The following NWD1 variants were observed in gnomAD, a reference collection of about 807,000 sequenced individuals.
The protein encoded by NWD1 is NACHT domain- and WD repeat-containing protein 1.
Under a neutral mutation model 135.1 loss-of-function variants are expected in NWD1, and 129 were observed. That is an observed-to-expected ratio of 0.96 (90% CI 0.83 to 1.11). The LOEUF (loss-of-function observed/expected upper bound fraction) is 1.11. Ranked by LOEUF, NWD1 falls within the 50% of genes least tolerant of loss-of-function variation. NWD1 has a pLI of 0.00. For missense variants in NWD1, 1,740 were observed against 1,851.3 expected, an observed-to-expected ratio of 0.94 and a Z score of 1.10; for synonymous variants, 773 against 786.0, an observed-to-expected ratio of 0.98 and a Z score of 0.28.
chr19:16,738,749 T>A (rs906599566), intron 4 of NWD1, among the ~76,000 whole-genome samples: 25 of 132,916 alleles, frequency 1.9e-4, no homozygotes, highest in Middle Eastern at 3.7e-3. Flanking sequence ...ATATATATAT[T>A]ATATATATAT....
chr19:16,746,002 G>A (rs959355419), intron 5 of NWD1, among the ~76,000 whole-genome samples: 15 of 152,112 alleles, frequency 9.9e-5, no homozygotes, highest in South Asian at 2.1e-4. Flanking sequence ...TTGCACAGTC[G>A]AAAATCTGTG....
intron 6 of NWD1, among the ~76,000 whole-genome samples, chr19:16,752,699 A>G (rs1229416331): frequency 1.3e-5 from 2 of 152,116 alleles, no homozygotes; most frequent in Non-Finnish European, 2.9e-5. Flanking sequence ...CTTACACTCT[A>G]TAAGAGTACA....
intron 4 of NWD1, among the ~76,000 whole-genome samples, chr19:16,743,022 C>T (rs2122765185): frequency 1.3e-5 from 2 of 151,684 alleles, no homozygotes; most frequent in Middle Eastern, 3.4e-3. Flanking sequence ...AAGCAAGTCT[C>T]CTGCCTCAGC....
chr19:16,759,564 C>T (rs1968930919), intron 7 of NWD1, 136 bp downstream of exon 7: 2 of 670,020 alleles, frequency 3.0e-6, no homozygotes. Context: ...AGAACTCTGA[C>T]ACAATTCACT....
chr19:16,790,550 G>A, intron 13 of NWD1, among the ~76,000 whole-genome samples: 1 of 151,424 alleles, frequency 6.6e-6, no homozygotes, highest in South Asian at 2.1e-4. Flanking sequence ...GTTGATAGTT[G>A]CAGCAAACCA....
chr19:16,745,555 C>T (rs913931791), intron 5 of NWD1, among the ~76,000 whole-genome samples: 1 of 150,104 alleles, frequency 6.7e-6, no homozygotes, highest in Non-Finnish European at 1.5e-5. Flanking sequence ...ATAGTGACAC[C>T]TCATCTCTAC....
chr19:16,737,838 G>A (rs1449538651), intron 4 of NWD1, among the ~76,000 whole-genome samples: 1 of 151,890 alleles, frequency 6.6e-6, no homozygotes, highest in Non-Finnish European at 1.5e-5. Context: ...GGTGGCACGT[G>A]CCTGTAATCC....
chr19:16,767,977 C>G (rs1193804761), intron 10 of NWD1, among the ~76,000 whole-genome samples: 1 of 145,426 alleles, frequency 6.9e-6, no homozygotes, highest in East Asian at 2.0e-4. Context: ...GTCAGAATTT[C>G]CTTCCTTTTT....
At chr19:16,802,589 C>T (rs1019477020) in intron 17 of NWD1, among the ~76,000 whole-genome samples, 2 of 151,960 alleles carry the variant, frequency 1.3e-5, no homozygotes, top group Non-Finnish European at 2.9e-5. Flanking sequence ...CTGGGGCCCT[C>T]ACCAGAAGCA....
chr19:16,784,755 CCT>C (rs762824998), intron 12 of NWD1, among the ~76,000 whole-genome samples: 19 of 152,070 alleles, frequency 1.2e-4, no homozygotes, highest in Non-Finnish European at 2.2e-4. Flanking sequence ...ATGGTGAACC[CCT>C]GTCTCTACTA....
At chr19:16,792,747 G>A (rs1288514886) in intron 14 of NWD1, among the ~76,000 whole-genome samples, 2 of 150,376 alleles carry the variant, frequency 1.3e-5, no homozygotes, top group African/African-American at 2.4e-5. Flanking sequence ...TGTGGTGGTG[G>A]GTGCCTGTGA....
At chr19:16,755,818 G>A (rs996635106) in intron 6 of NWD1, among the ~76,000 whole-genome samples, 11 of 152,162 alleles carry the variant, frequency 7.2e-5, no homozygotes, top group Middle Eastern at 3.4e-3. Flanking sequence ...GATTACAGGC[G>A]TGAGCCACCG....
chr19:16,808,091 C>T lies in NWD1; in HGVS notation c.4242C>T (p.Leu1414=), dbSNP rs748638152. The T allele has an allele frequency of 7.4e-6, 12 of 1,614,116 alleles. No individual in the cohort carries two copies. Among genetic ancestry groups the T allele is most frequent in the Non-Finnish European group, 1.0e-5 (12 of 1,180,024 alleles). ...VSGSEDALLC[L]WDLQARKWKF... ...GGTCTGAGGATGCCCTGCTGTGTCT[C>T]TGGGACCTGCAGGCACGCAAGTGGA... Residue 1414 remains leucine, a synonymous_variant, in exon 18 of 19, where the codon CTC becomes CTT. Transcript: ENST00000524140.
At chr19:16,778,824 C>T (rs1027227601) in intron 11 of NWD1, among the ~76,000 whole-genome samples, 4 of 152,284 alleles carry the variant, frequency 2.6e-5, no homozygotes, top group Admixed American at 6.5e-5. Context: ...CATGAGCCAC[C>T]GTGCCCGGCC....
At chr19:16,734,733 G>GTTATTTATTTAT (rs1568336516) in intron 3 of NWD1, among the ~76,000 whole-genome samples, 2 of 108,852 alleles carry the variant, frequency 1.8e-5, no homozygotes, top group African/African-American at 8.5e-5. Flanking sequence ...ACTACACCTG[G>GTTATTTATTTAT]CTATTTATTT....
intron 7 of NWD1, among the ~76,000 whole-genome samples, chr19:16,760,229 C>CATTTT (rs59527287): frequency 0.091 from 13,061 of 143,762 alleles, 1,010 homozygotes; most frequent in African/African-American, 0.2. Context: ...TAAAATTCAC[C>CATTTT]ATTTTATTTT....
rs549030906 is a variant in NWD1 at position 16,723,172 on chromosome 19, C to T, written c.-104-1194C>T. ...TCTCAGCCTCCCAAGTAGCTAGGAC[C>T]GCAGACACGAATCACCATGTCCAGC... On this transcript the variant is annotated intron_variant, in intron 1 of 18. Coordinates refer to ENST00000524140, the MANE Select transcript of NWD1 (RefSeq NM_001007525.5). 1.0e-3 allele frequency among the ~76,000 whole-genome samples: 156 copies of T among 152,010 alleles called. No individual in the cohort carries two copies. The South Asian group carries it at 0.016, about 16-fold the overall frequency.
intron 17 of NWD1, among the ~76,000 whole-genome samples, chr19:16,803,257 G>C (rs1290995865): frequency 6.6e-6 from 1 of 152,086 alleles, no homozygotes; most frequent in African/African-American, 2.4e-5. Flanking sequence ...AATTCAAAAT[G>C]AGATTTGGGT....
chr19:16,762,941 A>G (rs529995416), intron 8 of NWD1, among the ~76,000 whole-genome samples: 14 of 150,574 alleles, frequency 9.3e-5, no homozygotes, highest in Admixed American at 1.3e-4. Flanking sequence ...GTGCCACTGC[A>G]CCTGGCTAAT....
Sources: gnomAD v4.1 joint callset for allele counts (sites outside exome capture counted in the v4.1 genomes callset) on GRCh38, gnomAD v4.1.1 for gene constraint, MANE v1.5 for transcripts, NCBI Gene and HGNC (gene_info 2026-07-23, HGNC 2026-07-21) for gene names.